ADAMTSL3: variants seen among roughly 807,000 people sequenced by gnomAD.
The protein encoded by ADAMTSL3 is ADAMTS like 3.
ADAMTSL3 carries 128 observed loss-of-function variants against 201.7 expected under a neutral mutation model. That is an observed-to-expected ratio of 0.63 (90% CI 0.55 to 0.73). The LOEUF is 0.73. ADAMTSL3 is among the 30% of genes least tolerant of loss of function. ADAMTSL3 has a pLI of 0.00. For missense variants in ADAMTSL3, 1,990 were observed against 2,119.6 expected, an observed-to-expected ratio of 0.94 and a Z score of 1.20; for synonymous variants, 738 against 748.4, an observed-to-expected ratio of 0.99 and a Z score of 0.23.
chr15:84,012,783 G>T (rs2068027785), intron 23 of ADAMTSL3, among the ~76,000 whole-genome samples: 1 of 152,148 alleles, frequency 6.6e-6, no homozygotes, highest in South Asian at 2.1e-4. Context: ...AAAGCCACAG[G>T]ATTAAGGACA....
intron 16 of ADAMTSL3, among the ~76,000 whole-genome samples, chr15:83,913,937 C>T (rs2065982294): frequency 6.6e-6 from 1 of 151,958 alleles, no homozygotes; most frequent in Non-Finnish European, 1.5e-5. Context: ...AAGTTGGCCC[C>T]CTGATGATTT....
At chr15:83,984,839 ATGT>A (rs1236543726) in intron 21 of ADAMTSL3, among the ~76,000 whole-genome samples, 1 of 152,250 alleles carries the variant, frequency 6.6e-6, no homozygotes, top group Non-Finnish European at 1.5e-5. Context: ...CTGTTGTGAA[ATGT>A]TGTTTTAGTT....
chr15:83,821,700 CT>C (rs1379922979), intron 6 of ADAMTSL3, among the ~76,000 whole-genome samples: 1 of 152,242 alleles, frequency 6.6e-6, no homozygotes, highest in Admixed American at 6.5e-5. Flanking sequence ...CCTTTCCCCA[CT>C]TTCTATTCCA....
intron 2 of ADAMTSL3, among the ~76,000 whole-genome samples, chr15:83,688,658 A>ATTT (rs1351444587): frequency 1.3e-5 from 2 of 151,656 alleles, no homozygotes; most frequent in Non-Finnish European, 1.5e-5. Context: ...TTTCCTCCTT[A>ATTT]TTTATCTATT....
chr15:83,835,440 A>C (rs2064249466), intron 6 of ADAMTSL3, among the ~76,000 whole-genome samples: 1 of 152,282 alleles, frequency 6.6e-6, no homozygotes, highest in East Asian at 1.9e-4. Context: ...CTTAAAAAAA[A>C]TTATGAAGCA....
intron 2 of ADAMTSL3, among the ~76,000 whole-genome samples, chr15:83,657,845 G>C (rs575262305): frequency 6.6e-6 from 1 of 152,318 alleles, no homozygotes; most frequent in Admixed American, 6.5e-5. Context: ...TTCTAATGAA[G>C]GGTGGTAGGT....
At chr15:83,805,222 AG>A (rs1336708904) in intron 5 of ADAMTSL3, among the ~76,000 whole-genome samples, 2 of 152,250 alleles carry the variant, frequency 1.3e-5, no homozygotes, top group Non-Finnish European at 2.9e-5. Context: ...ATTTTACATC[AG>A]TCAACACTAA....
At chr15:83,660,291 C>T (rs1230037748) in intron 2 of ADAMTSL3, among the ~76,000 whole-genome samples, 2 of 152,184 alleles carry the variant, frequency 1.3e-5, no homozygotes, top group Non-Finnish European at 1.5e-5. Context: ...ATCCAAGTTC[C>T]CCCAGTTACC....
intron 4 of ADAMTSL3, among the ~76,000 whole-genome samples, chr15:83,784,937 A>G (rs1567143089): frequency 1.3e-5 from 2 of 152,028 alleles, no homozygotes. Context: ...GTGTGTATAC[A>G]TTATTTCAAC....
intron 21 of ADAMTSL3, among the ~76,000 whole-genome samples, chr15:83,985,232 TA>T (rs529116814): frequency 9.5e-5 from 14 of 147,872 alleles, no homozygotes; most frequent in South Asian, 2.2e-4. Context: ...GTGTATCTCA[TA>T]AAAAAAAAAG....
chr15:84,000,819 G>C (rs570379644), intron 23 of ADAMTSL3, among the ~76,000 whole-genome samples: 1 of 152,304 alleles, frequency 6.6e-6, no homozygotes, highest in Non-Finnish European at 1.5e-5. Context: ...AACATCACAA[G>C]CAGATCTGTG....
intron 3 of ADAMTSL3, among the ~76,000 whole-genome samples, chr15:83,709,955 A>G (rs1416164190): frequency 3.9e-5 from 6 of 151,970 alleles, no homozygotes; most frequent in African/African-American, 1.5e-4. Flanking sequence ...TGTTTTATGA[A>G]TTCTTTATGT....
chr15:84,037,637 A>T, intron 29 of ADAMTSL3, 63 bp from the exon 30 acceptor site: 2 of 1,482,812 alleles, frequency 1.3e-6, no homozygotes, highest in Non-Finnish European at 1.8e-6. Flanking sequence ...TCATAAAGTC[A>T]AATAATTTTT....
chr15:83,675,019 G>A (rs920618441), intron 2 of ADAMTSL3, among the ~76,000 whole-genome samples: 3 of 151,580 alleles, frequency 2.0e-5, no homozygotes, highest in African/African-American at 7.3e-5. Flanking sequence ...AAATGGTGGT[G>A]GGTTTTTCAT....
chr15:83,776,927 A>G (rs1473435523), intron 4 of ADAMTSL3, among the ~76,000 whole-genome samples: 1 of 125,106 alleles, frequency 8.0e-6, no homozygotes, highest in East Asian at 2.8e-4. Flanking sequence ...CTGCAGAACA[A>G]TTAGATGAGA....
At chr15:84,010,196 T>A (rs1173543197) in intron 23 of ADAMTSL3, among the ~76,000 whole-genome samples, 1 of 152,232 alleles carries the variant, frequency 6.6e-6, no homozygotes, top group Non-Finnish European at 1.5e-5. Flanking sequence ...ATTGTGTATA[T>A]GTTGTGGAGG....
intron 4 of ADAMTSL3, among the ~76,000 whole-genome samples, chr15:83,785,298 G>A (rs2063243405): frequency 6.6e-6 from 1 of 152,154 alleles, no homozygotes; most frequent in African/African-American, 2.4e-5. Context: ...GGAAAAAGTT[G>A]TAGGTCTTAT....
intron 13 of ADAMTSL3, among the ~76,000 whole-genome samples, chr15:83,893,888 A>G (rs2065559436): frequency 6.6e-6 from 1 of 152,218 alleles, no homozygotes; most frequent in Non-Finnish European, 1.5e-5. Flanking sequence ...AGTTGACTCA[A>G]GTTTCTCCAG....
intron 6 of ADAMTSL3, 133 bp downstream of exon 6, chr15:83,820,180 C>T: frequency 1.4e-6 from 1 of 691,286 alleles, no homozygotes. Context: ...CGGTGGCTTA[C>T]ACCTATAATC....
Sources: gnomAD v4.1 joint callset for allele counts (sites outside exome capture counted in the v4.1 genomes callset) on GRCh38, gnomAD v4.1.1 for gene constraint, MANE v1.5 for transcripts, NCBI Gene and HGNC (gene_info 2026-07-23, HGNC 2026-07-21) for gene names.